The following FRYL variants were observed in gnomAD, a reference collection of about 807,000 sequenced individuals.
FRYL encodes the protein protein furry homolog-like.
Under a neutral mutation model 351.2 loss-of-function variants are expected in FRYL, and 150 were observed. That is an observed-to-expected ratio of 0.43 (90% CI 0.37 to 0.49). FRYL has a LOEUF of 0.49. Ranked by LOEUF, FRYL falls within the 20% of genes least tolerant of loss-of-function variation. The pLI is 0.00. For missense variants in FRYL, 3,036 were observed against 3,619.3 expected (o/e 0.84, Z 4.13); for synonymous variants, 1,153 against 1,257.1 (o/e 0.92, Z 1.75).
intron 1 of FRYL, among the ~76,000 whole-genome samples, chr4:48,772,112 A>G (rs1317135854): frequency 1.3e-5 from 2 of 152,260 alleles, no homozygotes; most frequent in Non-Finnish European, 2.9e-5. Context: ...TGACTACTTA[A>G]TAAGTAAGGT....
At chr4:48,581,341 C>A in intron 21 of FRYL, 79 bp downstream of exon 21, 1 of 1,296,900 alleles carries the variant, frequency 7.7e-7, no homozygotes, top group South Asian at 1.5e-5. Context: ...AGTAACCTAC[C>A]TACATGGGAT....
intron 2 of FRYL, among the ~76,000 whole-genome samples, chr4:48,692,197 T>C (rs1315631991): frequency 6.6e-6 from 1 of 152,228 alleles, no homozygotes. Context: ...GCATTATTTC[T>C]TGTGACCTGG....
intron 38 of FRYL, 98 bp downstream of exon 38, chr4:48,550,494 A>T: frequency 1.3e-6 from 1 of 779,262 alleles, no homozygotes; most frequent in Non-Finnish European, 2.1e-6. Flanking sequence ...TACGCTTTTT[A>T]AAAACAATTT....
chr4:48,526,132 G>A (rs1369102069), intron 53 of FRYL, among the ~76,000 whole-genome samples: 7 of 152,158 alleles, frequency 4.6e-5, no homozygotes, highest in Non-Finnish European at 1.5e-5. Context: ...TGTATGAGCT[G>A]TATATGAATA....
In FRYL at chr4:48,549,934, G is replaced by T. The variant is rs546373763; in HGVS notation, c.4634-311C>A. Among the ~76,000 whole-genome samples the T allele has an allele frequency of 6.6e-6, 1 of 152,290 alleles. No individual in the cohort carries two copies. Among genetic ancestry groups the T allele is most frequent in the East Asian group, 1.9e-4 (1 of 5,178 alleles). On this transcript the variant is annotated intron_variant, in intron 38 of 63. Coordinates refer to ENST00000358350, the MANE Select transcript of FRYL (RefSeq NM_015030.2). The surrounding 1 kb of genome is among the most constrained non-coding windows in gnomAD (Gnocchi z 4.2). ...ATCACATTATTGGTGAAGCTGCCTT[G>T]TAACAAAGGGCCTTCTGGTAAGTTA... is the stretch of plus-strand genomic sequence containing the variant.
At chr4:48,746,953 TC>T (rs1772747609) in intron 1 of FRYL, among the ~76,000 whole-genome samples, 2 of 152,188 alleles carry the variant, frequency 1.3e-5, no homozygotes, top group Non-Finnish European at 2.9e-5. Flanking sequence ...TAGGCAACTC[TC>T]ACATTTGTGA....
intron 3 of FRYL, among the ~76,000 whole-genome samples, chr4:48,654,309 AAAAAAC>A (rs960426439): frequency 1.4e-5 from 2 of 146,760 alleles, no homozygotes; most frequent in African/African-American, 2.5e-5. Context: ...AAAAAAAAAA[AAAAAAC>A]AAAAACAAAA....
At chr4:48,633,308 T>C (rs1198682661) in intron 4 of FRYL, among the ~76,000 whole-genome samples, 1 of 152,244 alleles carries the variant, frequency 6.6e-6, no homozygotes, top group Non-Finnish European at 1.5e-5. Flanking sequence ...TCATTGTACT[T>C]TGCTGCTCTA....
At chr4:48,715,905 T>A (rs1026239323) in intron 1 of FRYL, among the ~76,000 whole-genome samples, 1 of 152,180 alleles carries the variant, frequency 6.6e-6, no homozygotes, top group African/African-American at 2.4e-5. Context: ...CAAAACAGCA[T>A]GGTACTGGTA....
intron 2 of FRYL, among the ~76,000 whole-genome samples, chr4:48,709,763 T>A (rs1767798934): frequency 6.6e-6 from 1 of 152,234 alleles, no homozygotes; most frequent in African/African-American, 2.4e-5. Context: ...ATGCAATTAA[T>A]GATTAGAACT....
At chr4:48,760,525 GTTTT>G (rs202227374) in intron 1 of FRYL, among the ~76,000 whole-genome samples, 9 of 151,866 alleles carry the variant, frequency 5.9e-5, no homozygotes, top group African/African-American at 7.3e-5. Context: ...CATGCCTTGT[GTTTT>G]TTTGTTTGTT....
In FRYL at chr4:48,546,211, C is replaced by G. The variant is rs752727695; in HGVS notation, c.5135G>C (p.Ser1712Thr). ...GATACTAGAAGAGGTAGAACTTGAGCTAAGCCCTGAGTCAGTCATAGGGGA... is the reference window on the plus strand; with the variant it reads ...GATACTAGAAGAGGTAGAACTTGAGGTAAGCCCTGAGTCAGTCATAGGGGA... The part of the protein sequence containing the change: ...QPSPMTDSGL[S>T]SSSTSSSISL... Residue 1712 changes from serine to threonine, a missense_variant, in exon 42 of 64, where the codon AGC (serine) becomes ACC (threonine). Around this residue, in one of 7 missense-constraint regions of FRYL, gnomAD observed 1,987 missense variants for 2,311.7 expected, o/e 0.86. Transcript: ENST00000358350. 6.2e-7 allele frequency: 1 copy of G among 1,613,812 alleles called. No homozygotes were observed.
Position 48,710,522 on chromosome 4 carries a change from T to C in FRYL, c.-207A>G. On this transcript the variant is annotated 5_prime_UTR_variant, in exon 2 of 64. Coordinates refer to ENST00000358350, the MANE Select transcript of FRYL (RefSeq NM_015030.2). ...GAGGAAATATACATGTCCTTACCAC[T>C]TAGAAATGGTTGTTGAGGCACAGAG... 1 of 398,574 alleles carries C rather than the reference T, an allele frequency of 2.5e-6. No homozygotes were observed. The highest frequency in any genetic ancestry group is 4.4e-6 in the Non-Finnish European group (1 of 226,044). 24.7% of individuals were successfully genotyped at this position (398,574 alleles called of 1,614,324 possible).
intron 1 of FRYL, among the ~76,000 whole-genome samples, chr4:48,737,592 T>C (rs898626127): frequency 6.6e-6 from 1 of 152,190 alleles, no homozygotes; most frequent in African/African-American, 2.4e-5. Context: ...TTTCAGAAGA[T>C]AGAAGCAGAG....
At chr4:48,761,046 TGTGTTG>T (rs1228411348) in intron 1 of FRYL, among the ~76,000 whole-genome samples, 1 of 151,328 alleles carries the variant, frequency 6.6e-6, no homozygotes, top group Non-Finnish European at 1.5e-5. Context: ...TGTGTGTGTG[TGTGTTG>T]AAGAGGAAAT....
intron 1 of FRYL, among the ~76,000 whole-genome samples, chr4:48,742,631 C>T (rs547463008): frequency 1.3e-5 from 2 of 152,240 alleles, no homozygotes; most frequent in South Asian, 2.1e-4. Flanking sequence ...CATGCACTAG[C>T]ACAATCCAAT....
Position 48,602,075 on chromosome 4 carries a change from T to G in FRYL, c.980A>C (p.Gln327Pro). 6.2e-7 allele frequency: 1 copy of G among 1,603,124 alleles called. No homozygotes were observed. The highest frequency in any genetic ancestry group is 8.5e-7 in the Non-Finnish European group (1 of 1,170,652). ...AATATGCCAGTTATTTAAAAAAAAT[T>G]GTTTCTGACTGACACATAAAAGGCA... is the stretch of plus-strand genomic sequence containing the variant. ...ITCLLCVSQK[Q>P]FFLNNWHIFL... Residue 327 changes from glutamine (Q) to proline (P), a missense_variant, in exon 13 of 64, where the codon CAA becomes CCA. Physicochemically the swap from Gln to Pro is moderately conservative, Grantham distance 76. Coordinates refer to ENST00000358350, the MANE Select transcript of FRYL (RefSeq NM_015030.2).
At chr4:48,565,833 CA>C (rs1736657862) in intron 28 of FRYL, 142 bp from the exon 29 acceptor site, 1 of 736,692 alleles carries the variant, frequency 1.4e-6, no homozygotes. Flanking sequence ...TCCGCGGTAG[CA>C]GGGATCATTT....
chr4:48,544,864 TG>T lies in FRYL; in HGVS notation c.5319del (p.Lys1774ArgfsTer5). The T allele has an allele frequency of 6.2e-7, 1 of 1,608,988 alleles. No individual in the cohort carries two copies. The highest frequency in any genetic ancestry group is 8.5e-7 in the Non-Finnish European group (1 of 1,178,184). On this transcript the variant is annotated frameshift_variant, in exon 43 of 64. Coordinates refer to ENST00000358350, the MANE Select transcript of FRYL (RefSeq NM_015030.2). LOFTEE classifies it high-confidence loss of function. The stretch of plus-strand genomic sequence containing the variant: ...TCAGCACTCTTTATGCTAGGATTCT[TG>T]GCAGAAACATCCTCATGGTTCCAAA... ...GPLWNHEDVS[A>X]KNPSIKSAEQ...
Sources: allele counts gnomAD v4.1 joint callset (sites outside exome capture counted in the v4.1 genomes callset), GRCh38; gene constraint gnomAD v4.1.1; regional missense constraint gnomAD v4.1.1; non-coding constraint Gnocchi (gnomAD v3.1); transcripts MANE v1.5; gene names NCBI Gene and HGNC (gene_info 2026-07-23, HGNC 2026-07-21).